Variants in GPR39 observed in about 807,000 individuals in gnomAD.
The protein encoded by GPR39 is G protein-coupled receptor 39, also known as zinc sensing receptor.
In GPR39, 23 loss-of-function variants were observed where a neutral mutation model predicts 18.4. The observed-to-expected ratio is 1.25, with a 90% CI of 0.90 to 1.77. The LOEUF (loss-of-function observed/expected upper bound fraction) is 1.77, where lower values mean the gene tolerates loss of function less well. Ranked by LOEUF, GPR39 falls within the 40% of genes most tolerant of loss-of-function variation. The pLI is 0.00. For missense variants in GPR39, 647 were observed against 602.4 expected, an observed-to-expected ratio of 1.07 and a Z score of -0.78; for synonymous variants, 280 against 257.9, an observed-to-expected ratio of 1.09 and a Z score of -0.82.
chr2:132,642,426 C>T (rs10211308), intron 1 of GPR39, among the ~76,000 whole-genome samples: 7,713 of 152,202 alleles, frequency 0.051, 587 homozygotes, highest in African/African-American at 0.17. Context: ...TTTATCTACC[C>T]CTGCCTTTGC....
intron 1 of GPR39, among the ~76,000 whole-genome samples, chr2:132,424,778 T>C (rs978917102): frequency 1.3e-5 from 2 of 152,176 alleles, no homozygotes; most frequent in African/African-American, 4.8e-5. Context: ...CTGGCTGTGT[T>C]TATAGAATAA....
Position 132,416,853 on chromosome 2 carries a change from A to G in GPR39, c.-190A>G. ...CCCAGGCGCCTCCTGGGCCTCTCCT[A>G]GGTTGGGCTGCTCCAGCAAGTTTCC... On this transcript the variant is annotated 5_prime_UTR_variant, in exon 1 of 2. Coordinates refer to ENST00000329321, the MANE Select transcript of GPR39 (RefSeq NM_001508.3). 5.6e-6 allele frequency: 4 copies of G among 717,200 alleles called. No homozygotes were observed. Among genetic ancestry groups the G allele is most frequent in the Non-Finnish European group, 9.1e-6 (4 of 441,772 alleles). The allele number at this position is 717,200 out of a possible 1,614,324, so 44.4% of individuals were successfully genotyped here.
At chr2:132,426,756 CTTTGCACACCGCAAAG>C (rs1330684060) in intron 1 of GPR39, among the ~76,000 whole-genome samples, 1 of 152,206 alleles carries the variant, frequency 6.6e-6, no homozygotes, top group African/African-American at 2.4e-5. Context: ...CAGGCCACTG[CTTTGCACACCGCAAAG>C]GTGGCTAGGT....
At chr2:132,570,859 T>A (rs1035075885) in intron 1 of GPR39, among the ~76,000 whole-genome samples, 12 of 152,182 alleles carry the variant, frequency 7.9e-5, no homozygotes, top group Non-Finnish European at 1.3e-4. Context: ...TGGGCCACCC[T>A]AGGGAGAACA....
chr2:132,620,337 C>T (rs1023861470), intron 1 of GPR39, among the ~76,000 whole-genome samples: 1 of 152,182 alleles, frequency 6.6e-6, no homozygotes, highest in African/African-American at 2.4e-5. Context: ...GTTCCTCATG[C>T]TGTGTGCCAG....
intron 1 of GPR39, among the ~76,000 whole-genome samples, chr2:132,522,209 G>T (rs1210817929): frequency 2.0e-5 from 3 of 152,170 alleles, no homozygotes; most frequent in African/African-American, 7.2e-5. Context: ...TTCTTGAGGG[G>T]AGATGCCCTC....
intron 1 of GPR39, among the ~76,000 whole-genome samples, chr2:132,587,601 A>G (rs976888818): frequency 6.6e-5 from 10 of 151,996 alleles, no homozygotes; most frequent in Non-Finnish European, 4.4e-5. Flanking sequence ...GTGCGATCTC[A>G]GCTCACTGCA....
intron 1 of GPR39, among the ~76,000 whole-genome samples, chr2:132,437,308 C>T (rs1214343526): frequency 3.3e-5 from 5 of 152,158 alleles, no homozygotes; most frequent in Non-Finnish European, 7.3e-5. Context: ...CAATCTGAAG[C>T]CAGTAAACTG....
At chr2:132,572,537 TAA>T (rs34493979) in intron 1 of GPR39, among the ~76,000 whole-genome samples, 8 of 132,992 alleles carry the variant, frequency 6.0e-5, no homozygotes, top group Non-Finnish European at 6.6e-5. Flanking sequence ...TAGAAGAGAT[TAA>T]AAAAAAAAAA....
intron 1 of GPR39, among the ~76,000 whole-genome samples, chr2:132,614,643 C>T (rs1681301290): frequency 6.6e-6 from 1 of 151,968 alleles, no homozygotes; most frequent in Non-Finnish European, 1.5e-5. Flanking sequence ...CTCCACCTCC[C>T]AGGTTCAAGC....
At chr2:132,620,188 T>A (rs571562311) in intron 1 of GPR39, among the ~76,000 whole-genome samples, 1 of 152,256 alleles carries the variant, frequency 6.6e-6, no homozygotes, top group Non-Finnish European at 1.5e-5. Context: ...CCAGGAGAAT[T>A]TTTTTTACAT....
intron 1 of GPR39, among the ~76,000 whole-genome samples, chr2:132,508,158 G>A (rs112831653): frequency 0.028 from 4,260 of 152,148 alleles, 191 homozygotes; most frequent in African/African-American, 0.096. Context: ...ACTCAGATGC[G>A]GTCTGAGGGT....
intron 1 of GPR39, among the ~76,000 whole-genome samples, chr2:132,628,703 T>A (rs1681596200): frequency 6.6e-6 from 1 of 152,188 alleles, no homozygotes; most frequent in Non-Finnish European, 1.5e-5. Context: ...ACCCTTACCC[T>A]AATATAAACA....
At chr2:132,608,325 A>C (rs1480464112) in intron 1 of GPR39, among the ~76,000 whole-genome samples, 1 of 152,342 alleles carries the variant, frequency 6.6e-6, no homozygotes, top group East Asian at 1.9e-4. Flanking sequence ...AATTCAGTCC[A>C]TGAGCTGCAC....
rs750136380 is a variant in GPR39, at chr2:132,645,338, T to G, written c.1094T>G (p.Leu365Arg). 15 of 1,614,052 alleles carry G rather than the reference T, an allele frequency of 9.3e-6. No homozygotes were observed. The highest frequency in any genetic ancestry group is 1.1e-5 in the South Asian group (1 of 91,082). The change falls in exon 2 of 2, where the codon CTG becomes CGG. Residue 365 changes from leucine (L) to arginine (R), a missense_variant. By Grantham distance (102) the Leu-to-Arg change is moderately radical. Coordinates refer to ENST00000329321, the MANE Select transcript of GPR39 (RefSeq NM_001508.3). ...CAGGTGCTGTGCTGCCGCCTGTCGC[T>G]GCAGCACGCCAACCACGAGAAGCGC... ...FVQVLCCRLS[L>R]QHANHEKRLR...
intron 1 of GPR39, among the ~76,000 whole-genome samples, chr2:132,582,687 G>C (rs961283615): frequency 2.6e-5 from 4 of 152,140 alleles, no homozygotes; most frequent in Non-Finnish European, 4.4e-5. Flanking sequence ...GCCCAGCAGG[G>C]AGAGCACTGT....
At chr2:132,597,615 A>G (rs1205504573) in intron 1 of GPR39, among the ~76,000 whole-genome samples, 1 of 152,174 alleles carries the variant, frequency 6.6e-6, no homozygotes, top group Admixed American at 6.5e-5. Context: ...TGCAGTTTTT[A>G]CCAGGCTTAA....
chr2:132,522,455 A>T (rs115239642), intron 1 of GPR39, among the ~76,000 whole-genome samples: 158 of 152,348 alleles, frequency 1.0e-3, no homozygotes, highest in African/African-American at 3.7e-3. Flanking sequence ...GCCAAAAGCC[A>T]AATGTATTCT....
intron 1 of GPR39, among the ~76,000 whole-genome samples, chr2:132,491,995 TAAAG>T (rs1373523958): frequency 6.7e-6 from 1 of 149,582 alleles, no homozygotes; most frequent in Non-Finnish European, 1.5e-5. Flanking sequence ...TTTTCATTGA[TAAAG>T]TAATTATATA....
Sources: gnomAD v4.1 joint callset for allele counts (sites outside exome capture counted in the v4.1 genomes callset) on GRCh38, gnomAD v4.1.1 for gene constraint, MANE v1.5 for transcripts, NCBI Gene and HGNC (gene_info 2026-07-23, HGNC 2026-07-21) for gene names.